The following SOS1 variants were observed in gnomAD, a reference collection of about 807,000 sequenced individuals.
SOS1 encodes the protein SOS Ras/Rac guanine nucleotide exchange factor 1.
Under a neutral mutation model 157.6 loss-of-function variants are expected in SOS1, and 25 were observed. The ratio of observed to expected loss-of-function variants is 0.16; its 90% CI spans 0.12 to 0.22. The LOEUF (loss-of-function observed/expected upper bound fraction) is 0.22, where lower values mean the gene tolerates loss of function less well. SOS1 is among the 10% of genes least tolerant of loss of function. SOS1 has a pLI of 1.00. For missense variants in SOS1, 1,237 were observed against 1,599.1 expected (o/e 0.77, Z 3.86); for synonymous variants, 528 against 534.0 (o/e 0.99, Z 0.16).
At chr2:39,124,385 G>A (rs897315622), upstream of SOS1, 1 of 152,286 alleles carries the variant, frequency 6.6e-6, no homozygotes, top group African/African-American at 2.4e-5. Context: ...TCACGCCACG[G>A]CGGACGTGAC....
In SOS1 at chr2:39,017,858, A is replaced by G. The variant is rs10170661; in HGVS notation, c.1859-3012T>C. ...CTATTGGATTGGTTTCTCCATTTCA[A>G]TGACTGTAACACACACCATGTCGCT... On this transcript the variant is annotated intron_variant, in intron 10 of 22. Transcript: ENST00000402219. Among the ~76,000 whole-genome samples, 476 of 152,102 alleles carry G rather than the reference A, an allele frequency of 3.1e-3. 2 individuals carry two copies. The highest frequency in any genetic ancestry group is 4.0e-3 in the Non-Finnish European group (270 of 67,892).
At chr2:39,069,970 T>C (rs1671742022) in intron 1 of SOS1, among the ~76,000 whole-genome samples, 1 of 152,230 alleles carries the variant, frequency 6.6e-6, no homozygotes, top group African/African-American at 2.4e-5. Context: ...ATAATTTATC[T>C]GTTTACAAGT....
chr2:39,072,709 T>C (rs1230403630), intron 1 of SOS1, among the ~76,000 whole-genome samples: 1 of 152,134 alleles, frequency 6.6e-6, no homozygotes, highest in Admixed American at 6.5e-5. Flanking sequence ...ATTAAATAAA[T>C]CAAACAAAGA....
At position 39,030,811 on chromosome 2, in the gene SOS1, T is replaced by C. The variant is rs980165874; in HGVS notation, c.1074+4401A>G. 3.9e-5 allele frequency among the ~76,000 whole-genome samples: 6 copies of C among 152,188 alleles called. No individual in the cohort carries two copies. In the South Asian group the frequency reaches 1.0e-3, roughly 26 times the overall value. On this transcript the variant is annotated intron_variant, in intron 8 of 22. Coordinates refer to ENST00000402219, the MANE Select transcript of SOS1 (RefSeq NM_005633.4). The stretch of plus-strand genomic sequence containing the variant: ...ATGTAATCAAGTTGAGATGAGATCA[T>C]CTTGGATTAGGGTGAGCCCTAAATC...
intron 10 of SOS1, among the ~76,000 whole-genome samples, chr2:39,021,661 C>G (rs932879465): frequency 4.0e-5 from 6 of 151,426 alleles, no homozygotes; most frequent in Admixed American, 2.0e-4. Context: ...GTTTAGAATG[C>G]TCATGTTATA....
chr2:39,060,206 A>G (rs1213015252), intron 2 of SOS1, among the ~76,000 whole-genome samples: 9 of 152,232 alleles, frequency 5.9e-5, no homozygotes, highest in Admixed American at 1.3e-4. Flanking sequence ...GGTTTAACCC[A>G]TGATTAACTA....
chr2:39,069,969 CTGT>C (rs1558499263), intron 1 of SOS1, among the ~76,000 whole-genome samples: 1 of 152,186 alleles, frequency 6.6e-6, no homozygotes, highest in African/African-American at 2.4e-5. Context: ...TATAATTTAT[CTGT>C]TTACAAGTAT....
At chr2:39,013,136 G>A (rs577934107) in intron 13 of SOS1, among the ~76,000 whole-genome samples, 1 of 152,036 alleles carries the variant, frequency 6.6e-6, no homozygotes, top group South Asian at 2.1e-4. Flanking sequence ...TGGCCCACTC[G>A]ACCTCCATCA....
intron 1 of SOS1, among the ~76,000 whole-genome samples, chr2:39,071,287 T>A (rs1042619875): frequency 6.6e-6 from 1 of 152,198 alleles, no homozygotes; most frequent in African/African-American, 2.4e-5. Context: ...CCCTTGACTG[T>A]TGAACCTGGA....
At chr2:39,003,170 C>A (rs1045979839) in intron 17 of SOS1, among the ~76,000 whole-genome samples, 1 of 151,322 alleles carries the variant, frequency 6.6e-6, no homozygotes, top group South Asian at 2.1e-4. Context: ...AATTAGAGAC[C>A]TTATCTTTTT....
intron 1 of SOS1, among the ~76,000 whole-genome samples, chr2:39,099,757 G>A (rs550768999): frequency 6.6e-6 from 1 of 152,102 alleles, no homozygotes; most frequent in African/African-American, 2.4e-5. Context: ...TTATTGTTTT[G>A]GAGACAGAGT....
At chr2:38,995,477 A>G (rs560731217) in intron 19 of SOS1, 90 bp from the exon 20 acceptor site, 11 of 956,974 alleles carry the variant, frequency 1.1e-5, no homozygotes, top group Middle Eastern at 2.9e-4. Flanking sequence ...TTCAGCTAAT[A>G]TACAGGAAAA....
chr2:39,047,681 T>C (rs1246894738), intron 6 of SOS1, among the ~76,000 whole-genome samples: 1 of 152,214 alleles, frequency 6.6e-6, no homozygotes, highest in Non-Finnish European at 1.5e-5. Context: ...TTTTGGGTTG[T>C]TTTCTTTTCC....
intron 6 of SOS1, among the ~76,000 whole-genome samples, chr2:39,037,791 T>A (rs1027663976): frequency 6.6e-6 from 1 of 152,156 alleles, no homozygotes; most frequent in African/African-American, 2.4e-5. Context: ...CTAGGGCCCT[T>A]AAGGATTGTG....
intron 13 of SOS1, among the ~76,000 whole-genome samples, chr2:39,012,888 A>T (rs1226846458): frequency 6.6e-6 from 1 of 152,158 alleles, no homozygotes; most frequent in Non-Finnish European, 1.5e-5. Context: ...GAGCATACAA[A>T]GGAAATAAAA....
At chr2:39,005,145 A>G (rs1337752485) in intron 17 of SOS1, among the ~76,000 whole-genome samples, 1 of 152,160 alleles carries the variant, frequency 6.6e-6, no homozygotes, top group Non-Finnish European at 1.5e-5. Flanking sequence ...TATGAGCTTA[A>G]TTTATAAATT....
chr2:38,998,663 G>A (rs1218446634), intron 17 of SOS1, among the ~76,000 whole-genome samples: 1 of 152,178 alleles, frequency 6.6e-6, no homozygotes, highest in Non-Finnish European at 1.5e-5. Flanking sequence ...GTGAATATAT[G>A]TATGAGCTTA....
chr2:39,046,691 T>TG (rs1670797445), intron 6 of SOS1, among the ~76,000 whole-genome samples: 2 of 151,984 alleles, frequency 1.3e-5, no homozygotes. Flanking sequence ...TTTGTAGAGA[T>TG]GGGGTTTCAC....
In SOS1 at chr2:38,982,192, T is replaced by A. The variant is rs1668421145; in HGVS notation, c.*3632A>T. 1 of 152,156 alleles carries A rather than the reference T, an allele frequency of 6.6e-6. No homozygotes were observed. The highest frequency in any genetic ancestry group is 2.4e-5 in the African/African-American group (1 of 41,434). 9.4% of individuals were successfully genotyped at this position (152,156 alleles called of 1,614,324 possible). ...CATTAAAGGCAAAAGGGAAATTTGC[T>A]CACAGTCGACAGAAAATGCACTTTA... On this transcript the variant is annotated 3_prime_UTR_variant, in exon 23 of 23. Transcript: ENST00000402219.
Sources: gnomAD v4.1 joint callset for allele counts (sites outside exome capture counted in the v4.1 genomes callset) on GRCh38, gnomAD v4.1.1 for gene constraint, MANE v1.5 for transcripts, NCBI Gene and HGNC (gene_info 2026-07-23, HGNC 2026-07-21) for gene names.